Variants in KIAA0586 observed in about 807,000 individuals in gnomAD.
KIAA0586 encodes protein TALPID3.
KIAA0586 carries 144 observed loss-of-function variants against 169.8 expected under a neutral mutation model. The ratio of observed to expected loss-of-function variants is 0.85; its 90% CI spans 0.74 to 0.97. KIAA0586 has a LOEUF of 0.97. Ranked by LOEUF, KIAA0586 falls within the 50% of genes least tolerant of loss-of-function variation. The pLI, the probability that KIAA0586 is intolerant of heterozygous loss-of-function variation, is 0.00. For missense variants in KIAA0586, 1,854 were observed against 1,823.0 expected (o/e 1.02, Z -0.31); for synonymous variants, 625 against 612.4 (o/e 1.02, Z -0.30).
chr14:58,500,232 T>C (rs529456924), intron 27 of KIAA0586, among the ~76,000 whole-genome samples: 4 of 152,364 alleles, frequency 2.6e-5, no homozygotes, highest in African/African-American at 9.6e-5. Context: ...AACTGATCAA[T>C]ACATAATCTG....
rs942623 is a variant in KIAA0586, at chr14:58,475,051, A to G, written c.2825+254A>G. ...CTATTAGGAAGCCTTAAAAATGTAC[A>G]TGTTCTTTAATCCAGTGATTCATTT... On this transcript the variant is annotated intron_variant, in intron 19 of 30. Transcript: ENST00000652326. 0.98 allele frequency among the ~76,000 whole-genome samples: 148,564 copies of G among 152,340 alleles called. 72,523 individuals are homozygous for G. The highest frequency in any genetic ancestry group is 1 in the South Asian group (4,811 of 4,824).
chr14:58,465,954 T>C lies in KIAA0586; in HGVS notation c.2179T>C (p.Phe727Leu). 6.2e-7 allele frequency: 1 copy of C among 1,613,624 alleles called. No individual in the cohort carries two copies. Among genetic ancestry groups the C allele is most frequent in the Non-Finnish European group, 8.5e-7 (1 of 1,179,584 alleles). ...VLPHGDQQYL[F>L]SPSREMPTFS... The stretch of plus-strand genomic sequence containing the variant: ...ACCTCATGGCGATCAGCAATATTTG[T>C]TCAGCCCAAGTAGAGAAATGCCTAC... Residue 727 changes from phenylalanine to leucine, a missense_variant, in exon 15 of 31, where the codon TTC (phenylalanine) becomes CTC (leucine). By Grantham distance (22) the Phe-to-Leu change is conservative (BLOSUM62 0). Transcript: ENST00000652326.
chr14:58,559,631 C>T, the KIAA0586 span, among the ~76,000 whole-genome samples: 2 of 152,206 alleles, frequency 1.3e-5, no homozygotes, highest in Non-Finnish European at 2.9e-5. Flanking sequence ...CTCCTTCTTT[C>T]TCTTTCCTCT....
At chr14:58,439,819 G>A (rs1017030310) in intron 4 of KIAA0586, 16 of 984,082 alleles carry the variant, frequency 1.6e-5, no homozygotes, top group African/African-American at 8.7e-5. Flanking sequence ...AAAAGTCGAC[G>A]GGGAAGTCCA....
At chr14:58,533,163 A>T (rs1325653134) in intron 29 of KIAA0586, among the ~76,000 whole-genome samples, 8 of 152,228 alleles carry the variant, frequency 5.3e-5, no homozygotes, top group Non-Finnish European at 1.0e-4. Flanking sequence ...CCTACATTAC[A>T]CAAAGTAGGA....
intron 20 of KIAA0586, among the ~76,000 whole-genome samples, chr14:58,481,103 C>G (rs967872690): frequency 2.0e-5 from 3 of 152,312 alleles, no homozygotes; most frequent in East Asian, 3.9e-4. Flanking sequence ...TTGGGATAGT[C>G]TCTGCTATGG....
At chr14:58,486,692 C>T (rs2042469807) in intron 21 of KIAA0586, among the ~76,000 whole-genome samples, 1 of 152,002 alleles carries the variant, frequency 6.6e-6, no homozygotes, top group African/African-American at 2.4e-5. Context: ...AATACAAACC[C>T]ACAGATGCTA....
chr14:58,547,155 T>TAAA (rs60672104), intron 30 of KIAA0586, among the ~76,000 whole-genome samples: 1 of 144,636 alleles, frequency 6.9e-6, no homozygotes, highest in African/African-American at 2.5e-5. Flanking sequence ...TTACCTCTTT[T>TAAA]AAAAAAAAAA....
Position 58,448,443 on chromosome 14 carries a change from A to C in KIAA0586, c.911A>C (p.Asn304Thr). The C allele has an allele frequency of 6.2e-7, 1 of 1,612,550 alleles. No homozygotes were observed. The highest frequency in any genetic ancestry group is 1.3e-5 in the African/African-American group (1 of 74,990). Residue 304 changes from asparagine (N) to threonine (T), a missense_variant, in exon 7 of 31, where the codon AAT (asparagine) becomes ACT (threonine). By Grantham distance (65) the Asn-to-Thr change is moderately conservative. Coordinates refer to ENST00000652326, the MANE Select transcript of KIAA0586 (RefSeq NM_001329943.3). ...TATTCCGTAAAACCAGAACACCCTA[A>C]TCTTGGTAGCTGTAATCCATCTTTA... Reference protein sequence around the residue: ...EKYSVKPEHPNLGSCNPSLYN... With the variant: ...EKYSVKPEHPTLGSCNPSLYN...
intron 25 of KIAA0586, 131 bp from the exon 26 acceptor site, chr14:58,492,013 A>T: frequency 1.6e-6 from 1 of 619,516 alleles, no homozygotes; most frequent in Non-Finnish European, 2.6e-6. Flanking sequence ...GAAAATAAAG[A>T]GTTCATCTCC....
At chr14:58,560,964 A>G in the KIAA0586 span, among the ~76,000 whole-genome samples, 2 of 152,196 alleles carry the variant, frequency 1.3e-5, no homozygotes, top group African/African-American at 2.4e-5. Context: ...AAAGGGGCAT[A>G]TAGTTCCCAA....
intron 16 of KIAA0586, 123 bp downstream of exon 16, chr14:58,468,045 A>T (rs1268280924): frequency 6.5e-5 from 40 of 617,276 alleles, no homozygotes; most frequent in South Asian, 3.4e-4. Context: ...TCTTTTTTTT[A>T]AATTTATTTT....
intron 25 of KIAA0586, 100 bp from the exon 26 acceptor site, chr14:58,492,044 A>T: frequency 1.1e-6 from 1 of 908,626 alleles, no homozygotes; most frequent in South Asian, 2.4e-5. Flanking sequence ...TGCTAATATC[A>T]TCATCTCATG....
chr14:58,538,547 G>A (rs116787036), intron 29 of KIAA0586, among the ~76,000 whole-genome samples: 2,509 of 152,126 alleles, frequency 0.016, 76 homozygotes, highest in African/African-American at 0.057. Flanking sequence ...GGTAAATGGA[G>A]TATGCATCTC....
At position 58,465,898 on chromosome 14, in the gene KIAA0586, A is replaced by G. The variant is rs373601253; in HGVS notation, c.2123A>G (p.Asp708Gly). 6.2e-7 allele frequency: 1 copy of G among 1,613,090 alleles called. No individual in the cohort carries two copies. The highest frequency in any genetic ancestry group is 1.3e-5 in the African/African-American group (1 of 74,918). ...TATGCAACAAAACCTAAGAAGATGG[A>G]TTCTAAAATGAAACATTCTGTTCCT... ...DFYATKPKKM[D>G]SKMKHSVPVL... Residue 708 changes from aspartate (D) to glycine (G), a missense_variant, in exon 15 of 31, where the codon GAT (aspartate) becomes GGT (glycine). By Grantham distance (94) the Asp-to-Gly change is moderately conservative (BLOSUM62 -1). Coordinates refer to ENST00000652326, the MANE Select transcript of KIAA0586 (RefSeq NM_001329943.3).
intron 30 of KIAA0586, among the ~76,000 whole-genome samples, chr14:58,540,964 G>A (rs900784748): frequency 6.6e-6 from 1 of 152,220 alleles, no homozygotes; most frequent in Non-Finnish European, 1.5e-5. Context: ...GGATAGTTTA[G>A]CAGCTGCTTA....
chr14:58,469,825 C>T (rs1566847179), intron 16 of KIAA0586, among the ~76,000 whole-genome samples: 5 of 152,038 alleles, frequency 3.3e-5, no homozygotes, highest in Admixed American at 2.6e-4. Flanking sequence ...CAAGATAATG[C>T]AAATTGAAAT....
At chr14:58,428,758 C>T (rs1304066569) in intron 1 of KIAA0586, among the ~76,000 whole-genome samples, 1 of 148,500 alleles carries the variant, frequency 6.7e-6, no homozygotes, top group Non-Finnish European at 1.5e-5. Flanking sequence ...CTTTATTTTC[C>T]CCCACGTAGT....
rs182022672 is a variant in KIAA0586, at chr14:58,431,268, A to G, written c.340+551A>G. On this transcript the variant is annotated intron_variant, in intron 3 of 30. Coordinates refer to ENST00000652326, the MANE Select transcript of KIAA0586 (RefSeq NM_001329943.3). The stretch of plus-strand genomic sequence containing the variant: ...GAGGTTTAGTATTAGATATGTTTAT[A>G]AATTTTTTTTTTGAGACGGAGTCTC... 9.0e-4 allele frequency among the ~76,000 whole-genome samples: 137 copies of G among 152,226 alleles called. 1 individual carries two copies. Among genetic ancestry groups the G allele is most frequent in the Non-Finnish European group, 1.6e-3 (108 of 68,006 alleles).
Sources: allele counts gnomAD v4.1 joint callset (sites outside exome capture counted in the v4.1 genomes callset), GRCh38; gene constraint gnomAD v4.1.1; transcripts MANE v1.5; gene names NCBI Gene and HGNC (gene_info 2026-07-23, HGNC 2026-07-21).